The following L3MBTL3 variants were observed in gnomAD, a reference collection of about 807,000 sequenced individuals.
L3MBTL3 encodes the protein L3MBTL histone methyl-lysine binding protein 3, also known as lethal(3)malignant brain tumor-like protein 3.
L3MBTL3 carries 27 observed loss-of-function variants against 102.3 expected under a neutral mutation model. The ratio of observed to expected loss-of-function variants is 0.26; its 90% CI spans 0.19 to 0.36. The LOEUF is 0.36. Among genes scored for constraint, L3MBTL3 ranks in the 10% least tolerant of loss-of-function variants. The probability of loss-of-function intolerance (pLI) is 1.00; values close to 1 mark genes in which losing one functional copy is unlikely to be tolerated. For missense variants in L3MBTL3, 798 were observed against 955.3 expected (o/e 0.84, Z 2.17); for synonymous variants, 340 against 320.9 (o/e 1.06, Z -0.64).
intron 20 of L3MBTL3, among the ~76,000 whole-genome samples, chr6:130,122,325 G>A (rs1786280812): frequency 1.3e-5 from 2 of 152,200 alleles, no homozygotes; most frequent in Non-Finnish European, 2.9e-5. Context: ...TAATTTAAAA[G>A]TTATAGTCAG....
chr6:130,116,116 G>C (rs1383955968), intron 19 of L3MBTL3, among the ~76,000 whole-genome samples: 1 of 151,970 alleles, frequency 6.6e-6, no homozygotes, highest in African/African-American at 2.4e-5. Context: ...TATTTTAATA[G>C]TTGAAGAAAG....
chr6:130,061,040 T>G (rs532257420), intron 10 of L3MBTL3, among the ~76,000 whole-genome samples: 1 of 151,690 alleles, frequency 6.6e-6, no homozygotes, highest in Non-Finnish European at 1.5e-5. Flanking sequence ...TAGGGCATAC[T>G]ATGTGCCAGC....
At chr6:130,073,230 GAC>G (rs1484202798) in intron 13 of L3MBTL3, among the ~76,000 whole-genome samples, 2 of 152,056 alleles carry the variant, frequency 1.3e-5, no homozygotes, top group Non-Finnish European at 2.9e-5. Flanking sequence ...AACATAGCAA[GAC>G]CCCTGACTCT....
chr6:130,126,855 C>T (rs901389376), intron 20 of L3MBTL3, among the ~76,000 whole-genome samples: 12 of 152,190 alleles, frequency 7.9e-5, no homozygotes, highest in Middle Eastern at 3.4e-3. Context: ...TGTGCATAAA[C>T]GTGGGAGTCC....
chr6:130,055,110 A>G, intron 7 of L3MBTL3, 61 bp from the exon 8 acceptor site: 1 of 1,224,768 alleles, frequency 8.2e-7, no homozygotes, highest in East Asian at 2.3e-5. Context: ...ATAGCTCTCT[A>G]ACTATTCACT....
rs780590065 is a variant in L3MBTL3 at position 130,120,977 on chromosome 6, A to T, written c.1966+19A>T. 2.0e-6 allele frequency: 3 copies of T among 1,483,492 alleles called. No individual in the cohort carries two copies. Among genetic ancestry groups the T allele is most frequent in the Non-Finnish European group, 1.9e-6 (2 of 1,062,926 alleles). The allele number at this position is 1,483,492 out of a possible 1,614,324, so 91.9% of individuals were successfully genotyped here. The stretch of plus-strand genomic sequence containing the variant: ...GCCAGAGGTAGCCATAATAATTCTC[A>T]TATTACTAATGTGTATTACTGCTAA... On this transcript the variant is annotated intron_variant, in intron 20 of 22. Transcript: ENST00000361794.
At chr6:130,128,136 A>AT (rs1786738428) in intron 20 of L3MBTL3, among the ~76,000 whole-genome samples, 1 of 151,984 alleles carries the variant, frequency 6.6e-6, no homozygotes, top group Admixed American at 6.6e-5. Flanking sequence ...TAGGCTAGTT[A>AT]TTTTGTATTT....
At chr6:130,134,710 G>T (rs982654155) in intron 22 of L3MBTL3, among the ~76,000 whole-genome samples, 4 of 152,172 alleles carry the variant, frequency 2.6e-5, no homozygotes, top group African/African-American at 9.7e-5. Context: ...CTCAGAAGGT[G>T]CTCTCCAACA....
intron 18 of L3MBTL3, 61 bp downstream of exon 18, chr6:130,094,428 A>G: frequency 2.0e-6 from 2 of 1,025,302 alleles, no homozygotes; most frequent in Non-Finnish European, 1.5e-6. Flanking sequence ...TGTATATATA[A>G]TGAATTTCAT....
intron 19 of L3MBTL3, among the ~76,000 whole-genome samples, chr6:130,117,659 GT>G (rs1190928325): frequency 2.0e-5 from 3 of 152,202 alleles, no homozygotes; most frequent in South Asian, 2.1e-4. Context: ...CTACCTTATA[GT>G]AGAGAGAAAT....
At chr6:130,093,979 C>T (rs9492451) in intron 17 of L3MBTL3, among the ~76,000 whole-genome samples, 26,304 of 152,178 alleles carry the variant, frequency 0.17, 2,800 homozygotes, top group Non-Finnish European at 0.24. Flanking sequence ...ATTTAGATAT[C>T]TCTGGACTTT....
At chr6:130,074,102 A>G (rs759858472) in intron 13 of L3MBTL3, among the ~76,000 whole-genome samples, 2 of 152,178 alleles carry the variant, frequency 1.3e-5, no homozygotes, top group Non-Finnish European at 2.9e-5. Context: ...GAGGTTACAG[A>G]TTGGGTTGCC....
In L3MBTL3 at chr6:130,057,418, A is replaced by G; in HGVS notation, c.680A>G (p.Lys227Arg). 1 of 1,608,882 alleles carries G rather than the reference A, an allele frequency of 6.2e-7. No individual in the cohort carries two copies. The highest frequency in any genetic ancestry group is 8.5e-7 in the Non-Finnish European group (1 of 1,178,270). The change falls in exon 9 of 23, where the codon AAA (lysine) becomes AGA (arginine). Residue 227 changes from lysine (K) to arginine (R), a missense_variant. By Grantham distance (26) the Lys-to-Arg change is conservative. Transcript: ENST00000361794. ...SAVLKQGLPPKGKKAWCWASY... is the reference protein window; with the variant it reads ...SAVLKQGLPPRGKKAWCWASY... ...GCTTGCCTTTCAGGTTTGCCTCCTA[A>G]AGGAAAGAAAGCGTGGTGCTGGGCA...
intron 11 of L3MBTL3, 113 bp downstream of exon 11, chr6:130,066,601 T>A: frequency 4.5e-6 from 4 of 890,568 alleles, no homozygotes; most frequent in Admixed American, 3.1e-5. Flanking sequence ...AGGCACAAAT[T>A]TAACCTTATT....
intron 3 of L3MBTL3, 24 bp downstream of exon 3, chr6:130,042,825 A>C: frequency 7.1e-7 from 1 of 1,413,422 alleles, no homozygotes; most frequent in Non-Finnish European, 1.0e-6. Flanking sequence ...ATTACATACA[A>C]TTATGTGTGT....
chr6:130,086,146 C>T lies in L3MBTL3; in HGVS notation c.1414C>T (p.Pro472Ser), dbSNP rs1191883733. 3.1e-6 allele frequency: 5 copies of T among 1,611,010 alleles called. No individual in the cohort carries two copies. Among genetic ancestry groups the T allele is most frequent in the Non-Finnish European group, 4.2e-6 (5 of 1,177,952 alleles). Residue 472 changes from proline to serine, a missense_variant, in exon 16 of 23, where the codon CCT (proline) becomes TCT (serine). Pro to Ser is a moderately conservative substitution (Grantham distance 74, BLOSUM62 -1). Coordinates refer to ENST00000361794, the MANE Select transcript of L3MBTL3 (RefSeq NM_032438.4). ...AAATTTTTTTTTGTGGCAGAAACCT[C>T]CTCATGGATTCCAGAAAAAAATGAA... is the stretch of plus-strand genomic sequence containing the variant. Reference protein sequence around the residue: ...APARAFKVKPPHGFQKKMKLE... With the variant: ...APARAFKVKPSHGFQKKMKLE...
intron 9 of L3MBTL3, among the ~76,000 whole-genome samples, chr6:130,058,911 TAGCA>T (rs1188317881): frequency 6.6e-6 from 1 of 152,214 alleles, no homozygotes; most frequent in Non-Finnish European, 1.5e-5. Context: ...GGTGTGAACA[TAGCA>T]AGCTTTTAAA....
At chr6:130,024,697 T>C (rs1779228842) in intron 2 of L3MBTL3, among the ~76,000 whole-genome samples, 1 of 152,182 alleles carries the variant, frequency 6.6e-6, no homozygotes, top group Non-Finnish European at 1.5e-5. Flanking sequence ...TGCGGTATTG[T>C]TTCTACTAGT....
At chr6:130,070,524 G>C (rs1782558652) in intron 12 of L3MBTL3, among the ~76,000 whole-genome samples, 1 of 152,140 alleles carries the variant, frequency 6.6e-6, no homozygotes, top group Admixed American at 6.5e-5. Flanking sequence ...TCGGAAGTGG[G>C]AGTGAATTTG....
Sources: gnomAD v4.1 joint callset for allele counts (sites outside exome capture counted in the v4.1 genomes callset) on GRCh38, gnomAD v4.1.1 for gene constraint, MANE v1.5 for transcripts, NCBI Gene and HGNC (gene_info 2026-07-23, HGNC 2026-07-21) for gene names.